The following GREB1L variants were observed in gnomAD, a reference collection of about 807,000 sequenced individuals.
GREB1L encodes GREB1 like retinoic acid receptor coactivator, also known as GREB1-like protein.
In GREB1L, 17 loss-of-function variants were observed where a neutral mutation model predicts 200.8. The observed-to-expected ratio is 0.08, with a 90% CI of 0.06 to 0.13. The LOEUF is 0.13. GREB1L is among the 10% of genes least tolerant of loss of function. The pLI is 1.00. For missense variants in GREB1L, 1,657 were observed against 2,367.7 expected (o/e 0.70, Z 6.23); for synonymous variants, 789 against 893.0 (o/e 0.88, Z 2.08).
intron 30 of GREB1L, among the ~76,000 whole-genome samples, chr18:21,517,031 G>A (rs533676489): frequency 1.3e-5 from 2 of 151,798 alleles, no homozygotes; most frequent in East Asian, 2.0e-4. Context: ...GTGCCACCAC[G>A]CTTGGATAAT....
At position 21,457,936 on chromosome 18, in the gene GREB1L, A is replaced by G. The variant is rs528199843; in HGVS notation, c.2182+3373A>G. On this transcript the variant is annotated intron_variant, in intron 15 of 32. Coordinates refer to ENST00000424526, the MANE Select transcript of GREB1L (RefSeq NM_001142966.3). ...AAGAGCCTAGTTTGCCTGAGATCAC[A>G]GAGGGTAGTACCTTGAGAGCAAGGA... Among the ~76,000 whole-genome samples, 9 of 151,240 alleles carry G rather than the reference A, an allele frequency of 6.0e-5. No homozygotes were observed. In the East Asian group the frequency reaches 1.8e-3, roughly 30 times the overall value.
chr18:21,257,167 C>T (rs2037813417), intron 1 of GREB1L, among the ~76,000 whole-genome samples: 1 of 151,994 alleles, frequency 6.6e-6, no homozygotes, highest in Non-Finnish European at 1.5e-5. Flanking sequence ...GAGATTTCAC[C>T]GTGTTAGCCA....
chr18:21,494,405 C>A (rs72882857), intron 19 of GREB1L, among the ~76,000 whole-genome samples: 206 of 152,230 alleles, frequency 1.4e-3, no homozygotes, highest in Non-Finnish European at 2.4e-3. Flanking sequence ...CTTTATTGAG[C>A]CTTTTCTTTA....
At chr18:21,501,221 G>A (rs1324452767) in intron 23 of GREB1L, among the ~76,000 whole-genome samples, 1 of 151,330 alleles carries the variant, frequency 6.6e-6, no homozygotes, top group African/African-American at 2.4e-5. Flanking sequence ...GAGGTGCTGG[G>A]CAAAAAGGCG....
chr18:21,256,224 T>G (rs1006461201), intron 1 of GREB1L, among the ~76,000 whole-genome samples: 98 of 152,342 alleles, frequency 6.4e-4, no homozygotes, highest in African/African-American at 2.3e-3. Context: ...TGAACTCCCC[T>G]CTTGAACCAG....
At position 21,450,995 on chromosome 18, in the gene GREB1L, GTCTTC is replaced by G. The variant is rs1486322278; in HGVS notation, c.1721-19_1721-15del. 12 of 1,548,624 alleles carry G rather than the reference GTCTTC, an allele frequency of 7.7e-6. No homozygotes were observed. In the Admixed American group the frequency reaches 9.9e-5, roughly 13 times the overall value. ...CCAGCAACATTTGTTCTGTTGATGA[GTCTTC>G]TCTTCTCTCCTCCATCCTGCAGGTC... On this transcript the variant is annotated intron_variant, in intron 12 of 32. Coordinates refer to ENST00000424526, the MANE Select transcript of GREB1L (RefSeq NM_001142966.3).
chr18:21,505,574 G>GCAAT lies in GREB1L; in HGVS notation c.4228+10_4228+13dup, dbSNP rs1258732521. The GCAAT allele has an allele frequency of 1.3e-6, 2 of 1,551,544 alleles. No individual in the cohort carries two copies. Among genetic ancestry groups the GCAAT allele is most frequent in the Non-Finnish European group, 1.7e-6 (2 of 1,146,862 alleles). ...CTGGCAGGGGTCAAACAAGGTCAGT[G>GCAAT]CAATCAGCCAAGTTCACCTCCTCTC... On this transcript the variant is annotated splice_region_variant and intron_variant, in intron 24 of 32. Transcript: ENST00000424526.
intron 1 of GREB1L, among the ~76,000 whole-genome samples, chr18:21,274,186 A>G (rs1243169785): frequency 6.6e-6 from 1 of 152,092 alleles, no homozygotes; most frequent in Non-Finnish European, 1.5e-5. Context: ...GTATCCTCAC[A>G]TGGTAGAGGG....
At chr18:21,409,211 T>C (rs1399208425) in intron 7 of GREB1L, among the ~76,000 whole-genome samples, 1 of 152,206 alleles carries the variant, frequency 6.6e-6, no homozygotes, top group Non-Finnish European at 1.5e-5. Context: ...AAACAAACTG[T>C]CGACATAAGC....
At chr18:21,372,297 G>A (rs777490106) in intron 2 of GREB1L, among the ~76,000 whole-genome samples, 4 of 151,580 alleles carry the variant, frequency 2.6e-5, no homozygotes, top group Admixed American at 6.6e-5. Flanking sequence ...ACAGGCACCC[G>A]CCACCCCGCC....
chr18:21,460,860 A>C (rs1171343047), intron 15 of GREB1L, among the ~76,000 whole-genome samples: 1 of 151,244 alleles, frequency 6.6e-6, no homozygotes, highest in Non-Finnish European at 1.5e-5. Flanking sequence ...ACTTTGGGAG[A>C]CTGAGTCAGG....
intron 7 of GREB1L, among the ~76,000 whole-genome samples, chr18:21,412,918 G>T (rs149269079): frequency 2.6e-5 from 4 of 152,090 alleles, no homozygotes; most frequent in Non-Finnish European, 5.9e-5. Context: ...AGTATCATAG[G>T]CAGGGATGCT....
intron 15 of GREB1L, among the ~76,000 whole-genome samples, chr18:21,462,721 A>G (rs965941433): frequency 3.9e-5 from 6 of 152,320 alleles, no homozygotes; most frequent in African/African-American, 1.2e-4. Flanking sequence ...AAGTGCTGGG[A>G]TTACCAGTGT....
chr18:21,443,168 G>T (rs981642497), intron 10 of GREB1L, among the ~76,000 whole-genome samples: 2 of 151,944 alleles, frequency 1.3e-5, no homozygotes, highest in Non-Finnish European at 2.9e-5. Flanking sequence ...CTCCCAAAGT[G>T]CTGGGATTAT....
intron 15 of GREB1L, among the ~76,000 whole-genome samples, chr18:21,458,228 C>T (rs1215026064): frequency 1.3e-5 from 2 of 152,130 alleles, no homozygotes; most frequent in African/African-American, 4.8e-5. Flanking sequence ...GTTTCGGCCT[C>T]CCAAAGTGCT....
intron 1 of GREB1L, among the ~76,000 whole-genome samples, chr18:21,361,509 A>G (rs2039579880): frequency 6.6e-6 from 1 of 152,166 alleles, no homozygotes; most frequent in Non-Finnish European, 1.5e-5. Context: ...TAGACATTAC[A>G]GCTCTGTCCA....
At chr18:21,356,727 TAA>T (rs1225805950) in intron 1 of GREB1L, among the ~76,000 whole-genome samples, 4 of 152,340 alleles carry the variant, frequency 2.6e-5, no homozygotes, top group Non-Finnish European at 5.9e-5. Flanking sequence ...GTTCTGGTTT[TAA>T]TTTTTTGAGA....
chr18:21,432,482 T>G (rs1174711519), intron 7 of GREB1L, among the ~76,000 whole-genome samples: 2 of 152,068 alleles, frequency 1.3e-5, no homozygotes, highest in Non-Finnish European at 2.9e-5. Context: ...ATTTTTTTTT[T>G]GACACCTGGT....
At chr18:21,290,970 T>C (rs2038440531) in intron 1 of GREB1L, among the ~76,000 whole-genome samples, 1 of 152,168 alleles carries the variant, frequency 6.6e-6, no homozygotes, top group Admixed American at 6.5e-5. Flanking sequence ...TTGAAATGCT[T>C]TATAATGAGC....
Sources: allele counts gnomAD v4.1 joint callset (sites outside exome capture counted in the v4.1 genomes callset), GRCh38; gene constraint gnomAD v4.1.1; transcripts MANE v1.5; gene names NCBI Gene and HGNC (gene_info 2026-07-23, HGNC 2026-07-21).